Variants in ST8SIA6 observed in about 807,000 individuals in gnomAD.
ST8SIA6 encodes alpha-2,8-sialyltransferase 8F.
A neutral mutation model predicts 33.6 loss-of-function variants in ST8SIA6; 39 were observed. That is an observed-to-expected ratio of 1.16 (90% CI 0.90 to 1.52). The LOEUF (loss-of-function observed/expected upper bound fraction) is 1.52, where lower values mean the gene tolerates loss of function less well. Among genes scored for constraint, ST8SIA6 ranks in the 40% most tolerant of loss-of-function variants. The pLI, the probability that ST8SIA6 is intolerant of heterozygous loss-of-function variation, is 0.00. For synonymous variants in ST8SIA6, 172 were observed against 167.2 expected, an observed-to-expected ratio of 1.03 and a Z score of -0.22; for missense variants, 441 against 443.8, an observed-to-expected ratio of 0.99 and a Z score of 0.06.
intron 2 of ST8SIA6, among the ~76,000 whole-genome samples, chr10:17,432,282 G>C (rs1322032961): frequency 6.6e-5 from 10 of 152,162 alleles, no homozygotes; most frequent in Non-Finnish European, 1.5e-5. Flanking sequence ...GGAGTCACTG[G>C]AGGAGAGGAC....
intron 5 of ST8SIA6, among the ~76,000 whole-genome samples, chr10:17,327,794 C>T (rs1168834609): frequency 6.6e-6 from 1 of 151,604 alleles, no homozygotes; most frequent in East Asian, 2.0e-4. Context: ...GTAGTCTTTG[C>T]TGCTTGGGAG....
intron 2 of ST8SIA6, among the ~76,000 whole-genome samples, chr10:17,453,161 C>T (rs1362624865): frequency 1.3e-5 from 2 of 150,392 alleles, no homozygotes; most frequent in East Asian, 2.0e-4. Context: ...ATCTTAACAC[C>T]GGTGCCCTTT....
At chr10:17,363,441 G>A (rs1849460449) in intron 3 of ST8SIA6, among the ~76,000 whole-genome samples, 2 of 152,150 alleles carry the variant, frequency 1.3e-5, no homozygotes, top group African/African-American at 4.8e-5. Flanking sequence ...TTGAGAAAGG[G>A]GTTTATATTG....
At chr10:17,420,198 G>A (rs996288919) in intron 2 of ST8SIA6, among the ~76,000 whole-genome samples, 3 of 152,192 alleles carry the variant, frequency 2.0e-5, no homozygotes, top group African/African-American at 7.2e-5. Context: ...CGGATCACGA[G>A]GTCAGGAGAT....
chr10:17,363,938 C>T (rs1335797686), intron 3 of ST8SIA6, among the ~76,000 whole-genome samples: 2 of 152,142 alleles, frequency 1.3e-5, no homozygotes, highest in Non-Finnish European at 2.9e-5. Flanking sequence ...GACTTTGCTG[C>T]CACATCTAAC....
intron 5 of ST8SIA6, among the ~76,000 whole-genome samples, chr10:17,330,055 A>C (rs937103564): frequency 1.3e-5 from 2 of 152,116 alleles, no homozygotes; most frequent in African/African-American, 4.8e-5. Flanking sequence ...CCCGTCTATG[A>C]AAGGAGAAGG....
At chr10:17,420,780 T>C (rs1851758249) in intron 2 of ST8SIA6, among the ~76,000 whole-genome samples, 1 of 152,212 alleles carries the variant, frequency 6.6e-6, no homozygotes. Context: ...AAGAACTGCC[T>C]GAGACTGGGT....
intron 3 of ST8SIA6, among the ~76,000 whole-genome samples, chr10:17,374,116 G>A (rs1227346682): frequency 1.9e-5 from 2 of 103,972 alleles, no homozygotes; most frequent in African/African-American, 7.1e-5. Context: ...CACACACACG[G>A]GAAAAGTAGT....
intron 4 of ST8SIA6, among the ~76,000 whole-genome samples, chr10:17,350,306 G>A (rs1206767133): frequency 2.0e-5 from 3 of 152,182 alleles, no homozygotes; most frequent in East Asian, 1.9e-4. Flanking sequence ...GAGTATTTAA[G>A]AAATGAAACA....
At chr10:17,340,569 T>G (rs1588805825) in intron 4 of ST8SIA6, among the ~76,000 whole-genome samples, 1 of 152,308 alleles carries the variant, frequency 6.6e-6, no homozygotes. Flanking sequence ...CCTCCCTTGT[T>G]CAGGTGTGCT....
chr10:17,412,694 G>C (rs1001637569), intron 2 of ST8SIA6, among the ~76,000 whole-genome samples: 2 of 149,494 alleles, frequency 1.3e-5, no homozygotes, highest in Non-Finnish European at 3.0e-5. Context: ...TACAGGAATG[G>C]GTAAATATCT....
intron 6 of ST8SIA6, 72 bp from the exon 7 acceptor site, chr10:17,323,229 G>GCACACACACACA: frequency 1.3e-6 from 1 of 793,956 alleles, no homozygotes; most frequent in Non-Finnish European, 2.1e-6. Flanking sequence ...ACATATGCGC[G>GCACACACACACA]CACACACACA....
chr10:17,331,376 A>G, intron 5 of ST8SIA6, 32 bp downstream of exon 5: 1 of 1,575,260 alleles, frequency 6.3e-7, no homozygotes, highest in Non-Finnish European at 8.6e-7. Flanking sequence ...TGGAATGGTA[A>G]CACAAATAAC....
At chr10:17,364,499 G>A (rs957867634) in intron 3 of ST8SIA6, among the ~76,000 whole-genome samples, 5 of 152,162 alleles carry the variant, frequency 3.3e-5, no homozygotes, top group African/African-American at 4.8e-5. Context: ...TCATTTTTAT[G>A]TCCAATCTGG....
chr10:17,390,700 A>G, intron 2 of ST8SIA6, 80 bp from the exon 3 acceptor site: 2 of 1,179,910 alleles, frequency 1.7e-6, no homozygotes, highest in Non-Finnish European at 2.5e-6. Context: ...ATCAGATTTA[A>G]TTGATAAAGT....
intron 2 of ST8SIA6, among the ~76,000 whole-genome samples, chr10:17,394,561 G>GT (rs758597098): frequency 1.3e-5 from 2 of 152,120 alleles, no homozygotes; most frequent in African/African-American, 2.4e-5. Flanking sequence ...ACCCAGTAAT[G>GT]AAAGGTACAG....
At chr10:17,326,104 G>A (rs867359264) in intron 6 of ST8SIA6, among the ~76,000 whole-genome samples, 2 of 152,056 alleles carry the variant, frequency 1.3e-5, no homozygotes, top group Admixed American at 6.6e-5. Flanking sequence ...TTGCACTGTC[G>A]GGTCTATTGT....
At chr10:17,357,376 T>C (rs1329180041) in intron 4 of ST8SIA6, among the ~76,000 whole-genome samples, 1 of 151,882 alleles carries the variant, frequency 6.6e-6, no homozygotes, top group Non-Finnish European at 1.5e-5. Flanking sequence ...GATCTCGTGA[T>C]CCACCTGCCT....
intron 3 of ST8SIA6, among the ~76,000 whole-genome samples, chr10:17,363,417 G>A (rs1849459800): frequency 6.6e-6 from 1 of 152,136 alleles, no homozygotes; most frequent in Non-Finnish European, 1.5e-5. Context: ...TTGCCAATTA[G>A]TTCACATAGG....
Sources: gnomAD v4.1 joint callset for allele counts (sites outside exome capture counted in the v4.1 genomes callset) on GRCh38, gnomAD v4.1.1 for gene constraint, MANE v1.5 for transcripts, NCBI Gene and HGNC (gene_info 2026-07-23, HGNC 2026-07-21) for gene names.